THOP1: variants seen among roughly 807,000 people sequenced by gnomAD.
THOP1 encodes the protein thimet oligopeptidase.
THOP1 carries 49 observed loss-of-function variants against 71.8 expected under a neutral mutation model. That is an observed-to-expected ratio of 0.68 (90% confidence interval 0.54 to 0.87). The LOEUF is 0.87. THOP1 is among the 40% of genes least tolerant of loss of function. The pLI, the probability that THOP1 is intolerant of heterozygous loss-of-function variation, is 0.00. For missense variants in THOP1, 843 were observed against 975.6 expected (o/e 0.86, Z 1.81); for synonymous variants, 426 against 421.5 (o/e 1.01, Z -0.13).
At position 2,794,892 on chromosome 19, in the gene THOP1, C is replaced by G; in HGVS notation, c.358C>G (p.Gln120Glu). The change falls in exon 3 of 13, where the codon CAG becomes GAG. Residue 120 changes from glutamine to glutamate, a missense_variant. Transcript: ENST00000307741. ...VEMSMREDVY[Q>E]RIVWLQEKVQ... ...GATGAGCATGAGGGAGGACGTGTACCAGAGGATCGTGTGGCTCCAGGTGAG... is the reference window on the plus strand; with the variant it reads ...GATGAGCATGAGGGAGGACGTGTACGAGAGGATCGTGTGGCTCCAGGTGAG... The G allele has an allele frequency of 6.2e-7, 1 of 1,613,160 alleles. No individual in the cohort carries two copies. Among genetic ancestry groups the G allele is most frequent in the Non-Finnish European group, 8.5e-7 (1 of 1,179,278 alleles).
intron 2 of THOP1, among the ~76,000 whole-genome samples, chr19:2,794,176 G>C (rs570648615): frequency 6.6e-6 from 1 of 152,026 alleles, no homozygotes; most frequent in African/African-American, 2.4e-5. Context: ...CACCACGCCT[G>C]GCTAATTTTT....
At chr19:2,788,962 T>C (rs1225162664) in intron 1 of THOP1, among the ~76,000 whole-genome samples, 1 of 152,192 alleles carries the variant, frequency 6.6e-6, no homozygotes. Context: ...GGTTTCACCA[T>C]GTTGTCCAGG....
At chr19:2,807,139 C>A (rs960151119) in intron 7 of THOP1, 87 bp downstream of exon 7, 33 of 1,449,642 alleles carry the variant, frequency 2.3e-5, no homozygotes, top group Non-Finnish European at 2.9e-5. Flanking sequence ...ACCCCTAGAG[C>A]CTTGTCCTTT....
intron 4 of THOP1, among the ~76,000 whole-genome samples, chr19:2,796,460 C>A (rs559523631): frequency 7.1e-6 from 1 of 140,964 alleles, no homozygotes; most frequent in Non-Finnish European, 1.5e-5. Flanking sequence ...GAGGAGTGCT[C>A]GGTCCCAGGG....
intron 2 of THOP1, among the ~76,000 whole-genome samples, chr19:2,791,897 C>T (rs530395119): frequency 6.6e-6 from 1 of 152,230 alleles, no homozygotes; most frequent in African/African-American, 2.4e-5. Context: ...CGCCCTGCAC[C>T]GTCTGTGCCT....
chr19:2,785,547 C>G lies in THOP1; in HGVS notation c.-116C>G, dbSNP rs1020565594. The G allele has an allele frequency of 1.1e-5, 14 of 1,263,834 alleles. No individual in the cohort carries two copies. Among genetic ancestry groups the G allele is most frequent in the East Asian group, 6.1e-5 (2 of 32,538 alleles). 78.3% of individuals were successfully genotyped at this position (1,263,834 alleles called of 1,614,324 possible). A position where few individuals can be genotyped will look rare whatever the true frequency, so the allele number is the denominator to read the frequency against. ...GGCGGCGGGCCCCTTGGTCCTCAGG[C>G]GGCCGTGGCGGCGGTGGCGGCGGTT... On this transcript the variant is annotated 5_prime_UTR_variant, in exon 1 of 13. Transcript: ENST00000307741.
In THOP1 at chr19:2,813,311, C is replaced by T; in HGVS notation, c.*35C>T. 1 of 1,566,210 alleles carries T rather than the reference C, an allele frequency of 6.4e-7. No individual in the cohort carries two copies. Among genetic ancestry groups the T allele is most frequent in the Non-Finnish European group, 8.6e-7 (1 of 1,156,816 alleles). Reference sequence around the variant, plus strand: ...CTGCGACTGCCCAGTCTGGCCTGCGCTCCCGCCGCCCTGGTGCCTTAGCCC... The same window carrying T: ...CTGCGACTGCCCAGTCTGGCCTGCGTTCCCGCCGCCCTGGTGCCTTAGCCC... On this transcript the variant is annotated 3_prime_UTR_variant, in exon 13 of 13. Coordinates refer to ENST00000307741, the MANE Select transcript of THOP1 (RefSeq NM_003249.5).
rs148139735 is a variant in THOP1, at chr19:2,807,603, T to C, written c.1048T>C (p.Cys350Arg). 3.6e-4 allele frequency: 583 copies of C among 1,612,618 alleles called. No homozygotes were observed. The African/African-American group carries it at 5.4e-3, about 15-fold the overall frequency. Residue 350 changes from cysteine to arginine, a missense_variant, in exon 8 of 13, where the codon TGC becomes CGC. Cys to Arg is a radical substitution (Grantham distance 180). Coordinates refer to ENST00000307741, the MANE Select transcript of THOP1 (RefSeq NM_003249.5). ...GAACCAGGTGGAGGAGACGCGCTACTGCGTGGACCAGAACCTGCTCAAGGA... is the reference window on the plus strand; with the variant it reads ...GAACCAGGTGGAGGAGACGCGCTACCGCGTGGACCAGAACCTGCTCAAGGA... ...YMNQVEETRYCVDQNLLKEYF... is the reference protein window; with the variant it reads ...YMNQVEETRYRVDQNLLKEYF...
rs1269694208 is a variant in THOP1, at chr19:2,814,066, G to A, written c.*790G>A. ...GACACAAGTGAACCAGGTGAACCAG[G>A]GCAGCTGCTGGAAGCTCGGCCATGG... On this transcript the variant is annotated 3_prime_UTR_variant, in exon 13 of 13. Coordinates refer to ENST00000307741, the MANE Select transcript of THOP1 (RefSeq NM_003249.5). 1 of 152,318 alleles carries A rather than the reference G, an allele frequency of 6.6e-6. No homozygotes were observed. Among genetic ancestry groups the A allele is most frequent in the African/African-American group, 2.4e-5 (1 of 41,454 alleles). The allele number at this position is 152,318 out of a possible 1,614,324, so 9.4% of individuals were successfully genotyped here.
chr19:2,810,913 G>C, intron 11 of THOP1, 145 bp downstream of exon 11: 1 of 1,323,960 alleles, frequency 7.6e-7, no homozygotes, highest in Non-Finnish European at 1.0e-6. Flanking sequence ...CAGGCTCCTC[G>C]GGGGACAGCC....
chr19:2,808,141 C>T (rs1236469633), intron 8 of THOP1, 102 bp from the exon 9 acceptor site: 19 of 1,330,764 alleles, frequency 1.4e-5, no homozygotes, highest in Admixed American at 2.3e-5. Flanking sequence ...CAGAGGTGCC[C>T]GGCGGTCTGG....
At chr19:2,802,695 C>A (rs1473334591) in intron 5 of THOP1, among the ~76,000 whole-genome samples, 1 of 152,206 alleles carries the variant, frequency 6.6e-6, no homozygotes, top group African/African-American at 2.4e-5. Context: ...GAGTGTCCAT[C>A]ACTCGCACAT....
intron 12 of THOP1, among the ~76,000 whole-genome samples, chr19:2,812,643 C>A (rs1313186150): frequency 6.6e-6 from 1 of 152,212 alleles, no homozygotes; most frequent in Non-Finnish European, 1.5e-5. Context: ...TCCGCGCAGG[C>A]TCCTGCGGGG....
chr19:2,785,551 C>CGTGGCGGCG lies in THOP1; in HGVS notation c.-100_-92dup, dbSNP rs1197469541. ...GCGGGCCCCTTGGTCCTCAGGCGGC[C>CGTGGCGGCG]GTGGCGGCGGTGGCGGCGGTTGGGC... On this transcript the variant is annotated 5_prime_UTR_variant, in exon 1 of 13. Transcript: ENST00000307741. 2.5e-5 allele frequency: 33 copies of CGTGGCGGCG among 1,301,560 alleles called. No individual in the cohort carries two copies. Among genetic ancestry groups the CGTGGCGGCG allele is most frequent in the South Asian group, 8.2e-5 (5 of 60,732 alleles). 80.6% of individuals were successfully genotyped at this position (1,301,560 alleles called of 1,614,324 possible). A position where few individuals can be genotyped will look rare whatever the true frequency, so the allele number is the denominator to read the frequency against.
chr19:2,806,850 G>C, intron 6 of THOP1, 67 bp from the exon 7 acceptor site: 1 of 1,607,502 alleles, frequency 6.2e-7, no homozygotes, highest in Non-Finnish European at 8.5e-7. Flanking sequence ...CCTGGGACAG[G>C]GCGTGCTGGC....
intron 12 of THOP1, 29 bp downstream of exon 12, chr19:2,811,763 G>A (rs375608297): frequency 8.3e-6 from 13 of 1,564,444 alleles, no homozygotes; most frequent in East Asian, 6.7e-5. Context: ...CAGGGAGGGC[G>A]TCCTGAACGG....
At chr19:2,807,271 C>T (rs1001651227) in intron 7 of THOP1, among the ~76,000 whole-genome samples, 171 bp from the exon 8 acceptor site, 48 of 152,294 alleles carry the variant, frequency 3.2e-4, no homozygotes, top group Admixed American at 9.1e-4. Flanking sequence ...CCGGCCCCGC[C>T]GCCCCCTCAC....
chr19:2,805,826 C>T lies in THOP1; in HGVS notation c.750+650C>T, dbSNP rs971942486. ...GCGGGCACTGATCACTGCAAGGGGA[C>T]GGGCGGGTGCCCATCACTGCGGGGG... On this transcript the variant is annotated intron_variant, in intron 6 of 12. Transcript: ENST00000307741. The surrounding 1 kb of genome is among the most constrained non-coding windows in gnomAD (Gnocchi z 6.6). Among the ~76,000 whole-genome samples, 2 of 147,188 alleles carry T rather than the reference C, an allele frequency of 1.4e-5. No homozygotes were observed. The highest frequency in any genetic ancestry group is 6.8e-5 in the Admixed American group (1 of 14,684).
rs187817593 is a variant in THOP1, at chr19:2,804,527, G to A, written c.590-489G>A. 137 of 154,566 alleles carry A rather than the reference G, an allele frequency of 8.9e-4. No homozygotes were observed. Among genetic ancestry groups the A allele is most frequent in the Middle Eastern group, 3.3e-3 (1 of 304 alleles). The allele number at this position is 154,566 out of a possible 1,614,324, so 9.6% of individuals were successfully genotyped here. On this transcript the variant is annotated intron_variant, in intron 5 of 12. Coordinates refer to ENST00000307741, the MANE Select transcript of THOP1 (RefSeq NM_003249.5). This position sits in a 1 kb window ranked among gnomAD's most constrained non-coding sequence, Gnocchi z 4.7. ...CTCTCCACGTGGGGCCTCCCTCTCC[G>A]CCCAGGGCCCAGCGTGCTCAGCTCT...
Sources: gnomAD v4.1 joint callset for allele counts (sites outside exome capture counted in the v4.1 genomes callset) on GRCh38, gnomAD v4.1.1 for gene constraint, Gnocchi (gnomAD v3.1) non-coding constraint, MANE v1.5 for transcripts, NCBI Gene and HGNC (gene_info 2026-07-23, HGNC 2026-07-21) for gene names.